The following DLGAP2 variants were observed in gnomAD, a reference collection of about 807,000 sequenced individuals.
DLGAP2 encodes the protein DLG associated protein 2.
In DLGAP2, 26 loss-of-function variants were observed where a neutral mutation model predicts 100.3. The ratio of observed to expected loss-of-function variants is 0.26; its 90% CI spans 0.19 to 0.36. The LOEUF is 0.36. Among genes scored for constraint, DLGAP2 ranks in the 10% least tolerant of loss-of-function variants. The pLI, the probability that DLGAP2 is intolerant of heterozygous loss-of-function variation, is 1.00. For synonymous variants in DLGAP2, 886 were observed against 630.1 expected, an observed-to-expected ratio of 1.41 and a Z score of -6.08; for missense variants, 1,858 against 1,453.2, an observed-to-expected ratio of 1.28 and a Z score of -4.53.
intron 3 of DLGAP2, among the ~76,000 whole-genome samples, chr8:1,270,828 CTG>C (rs1799568401): frequency 6.6e-6 from 1 of 151,820 alleles, no homozygotes; most frequent in African/African-American, 2.4e-5. Flanking sequence ...GTCTACCTCT[CTG>C]TGTGTGTGTC....
chr8:1,653,866 A>G lies in DLGAP2; in HGVS notation c.1811-14463A>G, dbSNP rs532184806. ...ACATGATTTAGGATATATTCATTTG[A>G]CTCTGAGGTGTAAGTCAGAGGTAAC... On this transcript the variant is annotated intron_variant, in intron 8 of 14. Coordinates refer to ENST00000637795, the MANE Select transcript of DLGAP2 (RefSeq NM_001346810.2). Among the ~76,000 whole-genome samples the G allele has an allele frequency of 6.0e-4, 92 of 152,090 alleles. 1 individual carries two copies. The highest frequency in any genetic ancestry group is 2.1e-3 in the African/African-American group (87 of 41,466).
At chr8:829,191 A>C (rs1796736843) in intron 1 of DLGAP2, among the ~76,000 whole-genome samples, 1 of 152,210 alleles carries the variant, frequency 6.6e-6, no homozygotes, top group African/African-American at 2.4e-5. Flanking sequence ...TTACATTGGT[A>C]AGGAATCCAG....
At chr8:1,196,551 T>TA (rs1265425499) in intron 2 of DLGAP2, among the ~76,000 whole-genome samples, 1 of 152,202 alleles carries the variant, frequency 6.6e-6, no homozygotes, top group Non-Finnish European at 1.5e-5. Flanking sequence ...TCTCAGCTGA[T>TA]AAGCAAAAGA....
intron 3 of DLGAP2, among the ~76,000 whole-genome samples, chr8:1,328,297 C>G (rs143522430): frequency 9.8e-4 from 149 of 151,696 alleles, no homozygotes; most frequent in Admixed American, 2.6e-3. Context: ...ACTTCAGCCT[C>G]CCAAAGTGCT....
At chr8:1,345,337 A>T (rs1801531463) in intron 3 of DLGAP2, among the ~76,000 whole-genome samples, 1 of 152,210 alleles carries the variant, frequency 6.6e-6, no homozygotes, top group Admixed American at 6.5e-5. Flanking sequence ...TCTCTTCGCC[A>T]AACACACTTG....
At chr8:1,123,355 G>T (rs1314139214) in intron 2 of DLGAP2, among the ~76,000 whole-genome samples, 2 of 152,142 alleles carry the variant, frequency 1.3e-5, no homozygotes, top group Non-Finnish European at 2.9e-5. Flanking sequence ...ATTTAAATTT[G>T]CTCAAGTAAC....
intron 2 of DLGAP2, among the ~76,000 whole-genome samples, chr8:928,398 G>T (rs562960890): frequency 6.6e-6 from 1 of 152,280 alleles, no homozygotes; most frequent in East Asian, 1.9e-4. Flanking sequence ...TTCAGTAGGT[G>T]TCCTGGACGT....
At chr8:1,080,292 G>A (rs893603467) in intron 2 of DLGAP2, among the ~76,000 whole-genome samples, 2 of 152,128 alleles carry the variant, frequency 1.3e-5, no homozygotes, top group Admixed American at 6.6e-5. Context: ...CGCCGCCCGC[G>A]TGCTGCTGTG....
intron 2 of DLGAP2, among the ~76,000 whole-genome samples, chr8:1,151,022 G>A (rs1194180685): frequency 6.6e-6 from 1 of 152,112 alleles, no homozygotes; most frequent in Non-Finnish European, 1.5e-5. Context: ...TAATCGTTAT[G>A]CTTTGTTTTT....
intron 3 of DLGAP2, among the ~76,000 whole-genome samples, chr8:1,289,073 T>C (rs1451830672): frequency 6.6e-6 from 1 of 152,190 alleles, no homozygotes; most frequent in Non-Finnish European, 1.5e-5. Context: ...ATTGCTTCTG[T>C]CTGGGAACTG....
At chr8:1,658,148 C>T (rs1585038924) in intron 8 of DLGAP2, among the ~76,000 whole-genome samples, 1 of 152,148 alleles carries the variant, frequency 6.6e-6, no homozygotes, top group African/African-American at 2.4e-5. Flanking sequence ...TTTTATTATG[C>T]AAATGAGGGC....
At position 1,701,705 on chromosome 8, in the gene DLGAP2, C is replaced by A; in HGVS notation, c.*299C>A. On this transcript the variant is annotated 3_prime_UTR_variant, in exon 15 of 15. Coordinates refer to ENST00000637795, the MANE Select transcript of DLGAP2 (RefSeq NM_001346810.2). ...TCTCCTGCGTGTTCTCAGAGGACGG[C>A]GAGAAATGCCTCTGGAGCTGGAACC... 2.4e-6 allele frequency: 1 copy of A among 415,028 alleles called. No individual in the cohort carries two copies. Among genetic ancestry groups the A allele is most frequent in the Non-Finnish European group, 4.2e-6 (1 of 236,174 alleles). 25.7% of individuals were successfully genotyped at this position (415,028 alleles called of 1,614,324 possible). A position where few individuals can be genotyped will look rare whatever the true frequency, so the allele number is the denominator to read the frequency against.
chr8:1,579,898 G>A (rs1417816291), intron 6 of DLGAP2, among the ~76,000 whole-genome samples: 2 of 152,162 alleles, frequency 1.3e-5, no homozygotes, highest in East Asian at 3.9e-4. Flanking sequence ...TCAGCAAAAG[G>A]CTGCTCTGGA....
At chr8:1,234,995 C>G (rs1338540546) in intron 2 of DLGAP2, among the ~76,000 whole-genome samples, 1 of 9,080 alleles carries the variant, frequency 1.1e-4, no homozygotes, top group Non-Finnish European at 3.9e-4. Context: ...AGCATCGTGT[C>G]TAGTTCTCTC....
chr8:1,535,842 G>A (rs1243597386), intron 4 of DLGAP2, among the ~76,000 whole-genome samples: 4 of 152,258 alleles, frequency 2.6e-5, no homozygotes, highest in South Asian at 2.1e-4. Context: ...GCCCTGTGCC[G>A]GCTCTCAGGT....
At chr8:1,481,920 G>A (rs947886592) in intron 3 of DLGAP2, among the ~76,000 whole-genome samples, 3 of 152,234 alleles carry the variant, frequency 2.0e-5, no homozygotes, top group African/African-American at 2.4e-5. Flanking sequence ...AGCCCGACCC[G>A]ATTATCCTTC....
At chr8:903,368 G>GC (rs144302443) in intron 1 of DLGAP2, among the ~76,000 whole-genome samples, 2 of 152,102 alleles carry the variant, frequency 1.3e-5, no homozygotes, top group South Asian at 2.1e-4. Context: ...TAACTGCAGA[G>GC]CCCCCCGGGC....
intron 3 of DLGAP2, among the ~76,000 whole-genome samples, chr8:1,469,331 C>T (rs962000382): frequency 6.6e-6 from 1 of 152,212 alleles, no homozygotes; most frequent in Non-Finnish European, 1.5e-5. Context: ...GCCCAGCAGG[C>T]CCCGTACGAG....
At chr8:1,630,578 T>C (rs1475125452) in intron 7 of DLGAP2, among the ~76,000 whole-genome samples, 1 of 152,002 alleles carries the variant, frequency 6.6e-6, no homozygotes, top group African/African-American at 2.4e-5. Flanking sequence ...AGCGGGCACC[T>C]GTGGTCCCAG....
Sources: gnomAD v4.1 joint callset for allele counts (sites outside exome capture counted in the v4.1 genomes callset) on GRCh38, gnomAD v4.1.1 for gene constraint, MANE v1.5 for transcripts, NCBI Gene and HGNC (gene_info 2026-07-23, HGNC 2026-07-21) for gene names.